The following HFM1 variants were observed in gnomAD, a reference collection of about 807,000 sequenced individuals.
The protein encoded by HFM1 is helicase for meiosis 1.
A neutral mutation model predicts 192.1 loss-of-function variants in HFM1; 169 were observed. That is an observed-to-expected ratio of 0.88 (90% confidence interval 0.78 to 1.00). The LOEUF (loss-of-function observed/expected upper bound fraction) is 1.00. Ranked by LOEUF, HFM1 falls within the 50% of genes least tolerant of loss-of-function variation. The pLI is 0.00. For synonymous variants in HFM1, 525 were observed against 537.8 expected (o/e 0.98, Z 0.33); for missense variants, 1,661 against 1,668.0 (o/e 1.00, Z 0.07).
intron 30 of HFM1, among the ~76,000 whole-genome samples, chr1:91,300,475 C>T (rs543747444): frequency 1.2e-4 from 19 of 152,152 alleles, no homozygotes; most frequent in African/African-American, 4.3e-4. Flanking sequence ...GGCAGAGACA[C>T]AACAAAAAAA....
intron 21 of HFM1, 124 bp from the exon 22 acceptor site, chr1:91,323,323 A>G: frequency 3.2e-6 from 2 of 625,206 alleles, no homozygotes; most frequent in Non-Finnish European, 5.5e-6. Context: ...TGAACATAAC[A>G]GAGTTAAAAA....
rs765875887 is a variant in HFM1 at position 91,351,597 on chromosome 1, C to T, written c.2024G>A (p.Arg675Lys). Reference protein sequence around the residue: ...TAVIMTRLSTRDKYIQMLACR... With the variant: ...TAVIMTRLSTKDKYIQMLACR... ...AGCTAACATCTGAATGTACTTGTCC[C>T]TTGTGCTTAATCGAGTCATGATAAC... The change falls in exon 17 of 39, where the codon AGG (arginine) becomes AAG (lysine). Residue 675 changes from arginine (R) to lysine (K), a missense_variant. By Grantham distance (26) the Arg-to-Lys change is conservative. Transcript: ENST00000370425. 4 of 1,604,192 alleles carry T rather than the reference C, an allele frequency of 2.5e-6. No homozygotes were observed. Among genetic ancestry groups the T allele is most frequent in the Middle Eastern group, 1.7e-4 (1 of 6,032 alleles).
chr1:91,355,550 AAG>A (rs1260138937), intron 13 of HFM1, among the ~76,000 whole-genome samples: 1 of 152,108 alleles, frequency 6.6e-6, no homozygotes, highest in Non-Finnish European at 1.5e-5. Context: ...TAGTAACCAA[AAG>A]AGAGCAGGGT....
At chr1:91,276,521 A>C in intron 32 of HFM1, 107 bp downstream of exon 32, 1 of 460,912 alleles carries the variant, frequency 2.2e-6, no homozygotes, top group Non-Finnish European at 3.9e-6. Context: ...AGTCAAGCCC[A>C]CAAGTAATTC....
intron 30 of HFM1, among the ~76,000 whole-genome samples, chr1:91,278,781 C>T (rs954065042): frequency 1.3e-5 from 2 of 151,966 alleles, no homozygotes; most frequent in Admixed American, 6.6e-5. Flanking sequence ...AACACCTGGG[C>T]GGCTGGAAGC....
At chr1:91,309,035 A>G (rs1650048826) in intron 30 of HFM1, among the ~76,000 whole-genome samples, 1 of 152,226 alleles carries the variant, frequency 6.6e-6, no homozygotes, top group South Asian at 2.1e-4. Flanking sequence ...CCACAAAACT[A>G]TATCCTACCC....
chr1:91,308,198 C>T (rs1450582752), intron 30 of HFM1, among the ~76,000 whole-genome samples: 2 of 152,148 alleles, frequency 1.3e-5, no homozygotes, highest in Non-Finnish European at 2.9e-5. Flanking sequence ...CCCATTCTCT[C>T]TCTACTCTGC....
intron 20 of HFM1, among the ~76,000 whole-genome samples, chr1:91,334,818 AC>A (rs1027465905): frequency 6.6e-6 from 1 of 151,724 alleles, no homozygotes; most frequent in African/African-American, 2.4e-5. Context: ...AGTCCCAGCT[AC>A]TCAGGAGGCT....
chr1:91,298,294 G>C (rs1373630506), intron 30 of HFM1, among the ~76,000 whole-genome samples: 1 of 152,184 alleles, frequency 6.6e-6, no homozygotes, highest in South Asian at 2.1e-4. Flanking sequence ...TATGTGAAAA[G>C]ACCAAGTCTA....
chr1:91,269,965 G>T (rs972003821), intron 34 of HFM1, among the ~76,000 whole-genome samples: 1 of 152,136 alleles, frequency 6.6e-6, no homozygotes, highest in Non-Finnish European at 1.5e-5. Context: ...GCTAGATCAC[G>T]TTGAAGCTTA....
chr1:91,358,687 C>A (rs917776605), intron 13 of HFM1, among the ~76,000 whole-genome samples: 6 of 151,998 alleles, frequency 3.9e-5, no homozygotes, highest in Admixed American at 3.9e-4. Flanking sequence ...CATAAAACTC[C>A]CAGAAGAGAA....
intron 19 of HFM1, among the ~76,000 whole-genome samples, chr1:91,346,311 T>G (rs991406366): frequency 4.6e-5 from 7 of 152,222 alleles, no homozygotes; most frequent in Non-Finnish European, 1.0e-4. Context: ...TTGTCTAATT[T>G]CTTGAGTGTA....
chr1:91,366,118 T>C (rs1287041144), intron 13 of HFM1, among the ~76,000 whole-genome samples: 3 of 152,024 alleles, frequency 2.0e-5, no homozygotes, highest in Non-Finnish European at 2.9e-5. Flanking sequence ...AAGATATATG[T>C]TTGCAAAAAA....
In HFM1 at chr1:91,343,502, A is replaced by G; in HGVS notation, c.2263T>C (p.Leu755=). Reference sequence around the variant, plus strand: ...GATGATAAATCATTCAGATTCTTCAAACATAATTCTGTTTAATTATAGAAA... The same window carrying G: ...GATGATAAATCATTCAGATTCTTCAGACATAATTCTGTTTAATTATAGAAA... ...GIEAKLQELC[L]KNLNDLSSLD... The change falls in exon 20 of 39, where the codon TTG becomes CTG. Residue 755 remains leucine, a synonymous_variant. Transcript: ENST00000370425. 5 of 1,334,842 alleles carry G rather than the reference A, an allele frequency of 3.7e-6. No homozygotes were observed. Among genetic ancestry groups the G allele is most frequent in the Non-Finnish European group, 5.2e-6 (5 of 963,152 alleles). The allele number at this position is 1,334,842 out of a possible 1,614,324, so 82.7% of individuals were successfully genotyped here.
In HFM1 at chr1:91,260,776, T is replaced by A. The variant is rs1665095470; in HGVS notation, c.*514A>T. 2 of 152,280 alleles carry A rather than the reference T, an allele frequency of 1.3e-5. No homozygotes were observed. The highest frequency in any genetic ancestry group is 2.9e-5 in the Non-Finnish European group (2 of 67,998). 9.4% of individuals were successfully genotyped at this position (152,280 alleles called of 1,614,324 possible). A position where few individuals can be genotyped will look rare whatever the true frequency, so the allele number is the denominator to read the frequency against. ...GAAAACAACAATCTATACTGATTAATGTTTCATTTATTGTTGCTCAAAGTT... is the reference window on the plus strand; with the variant it reads ...GAAAACAACAATCTATACTGATTAAAGTTTCATTTATTGTTGCTCAAAGTT... On this transcript the variant is annotated 3_prime_UTR_variant, in exon 39 of 39. Coordinates refer to ENST00000370425, the MANE Select transcript of HFM1 (RefSeq NM_001017975.6).
intron 13 of HFM1, among the ~76,000 whole-genome samples, chr1:91,364,617 T>C (rs1398142357): frequency 1.0e-4 from 3 of 29,374 alleles, no homozygotes; most frequent in Non-Finnish European, 2.3e-4. Context: ...CATATATATA[T>C]ATATATATAT....
chr1:91,331,005 A>C (rs2101510282), intron 20 of HFM1, among the ~76,000 whole-genome samples: 1 of 152,338 alleles, frequency 6.6e-6, no homozygotes, highest in East Asian at 1.9e-4. Flanking sequence ...ATATATCATG[A>C]CCCACAGCTA....
chr1:91,317,616 A>G (rs1651455352), intron 25 of HFM1, among the ~76,000 whole-genome samples: 1 of 152,160 alleles, frequency 6.6e-6, no homozygotes, highest in African/African-American at 2.4e-5. Context: ...TATTACATGT[A>G]TTACTGGTGA....
At position 91,394,256 on chromosome 1, in the gene HFM1, TA is replaced by T; in HGVS notation, c.330del (p.Asn111IlefsTer11). 1.3e-6 allele frequency: 2 copies of T among 1,598,194 alleles called. No homozygotes were observed. The highest frequency in any genetic ancestry group is 1.7e-6 in the Non-Finnish European group (2 of 1,165,438). ...CCAGCAATATGTGATAAGTCATTAT[TA>T]CCTACCCCTTCTAAATTTAGATCAT... Reference protein sequence around the residue: ...EQDDLNLEGVGNNDLSHIAGK... With the variant: ...EQDDLNLEGVXNNDLSHIAGK... On this transcript the variant is annotated frameshift_variant, in exon 4 of 39. Transcript: ENST00000370425. LOFTEE classifies it high-confidence loss of function.
Sources: allele counts gnomAD v4.1 joint callset (sites outside exome capture counted in the v4.1 genomes callset), GRCh38; gene constraint gnomAD v4.1.1; transcripts MANE v1.5; gene names NCBI Gene and HGNC (gene_info 2026-07-23, HGNC 2026-07-21).